ZNF425: variants seen among roughly 807,000 people sequenced by gnomAD.
ZNF425 encodes zinc finger protein 425.
ZNF425 carries 21 observed loss-of-function variants against 17.0 expected under a neutral mutation model. The ratio of observed to expected loss-of-function variants is 1.23; its 90% CI spans 0.88 to 1.78. The LOEUF (loss-of-function observed/expected upper bound fraction) is 1.78. Among genes scored for constraint, ZNF425 ranks in the 40% most tolerant of loss-of-function variants. The pLI is 0.00. For synonymous variants in ZNF425, 433 were observed against 384.1 expected (o/e 1.13, Z -1.49); for missense variants, 868 against 967.3 (o/e 0.90, Z 1.36).
intron 3 of ZNF425, among the ~76,000 whole-genome samples, chr7:149,109,529 G>GCT (rs1826139857): frequency 1.3e-5 from 2 of 152,158 alleles, no homozygotes; most frequent in African/African-American, 4.8e-5. Flanking sequence ...CTGGGATATT[G>GCT]CTCTCTCTCC....
At chr7:149,125,426 GT>G (rs1341073841) in intron 1 of ZNF425, among the ~76,000 whole-genome samples, 1 of 152,146 alleles carries the variant, frequency 6.6e-6, no homozygotes, top group African/African-American at 2.4e-5. Flanking sequence ...TTCATTTTAA[GT>G]TTTCTGTCCT....
intron 3 of ZNF425, among the ~76,000 whole-genome samples, chr7:149,108,217 T>G (rs1204965136): frequency 4.6e-5 from 7 of 152,104 alleles, no homozygotes; most frequent in Admixed American, 4.6e-4. Flanking sequence ...GGCTAATTTT[T>G]GTATTTTTAG....
chr7:149,112,920 C>T (rs559407339), intron 2 of ZNF425, among the ~76,000 whole-genome samples: 1 of 151,428 alleles, frequency 6.6e-6, no homozygotes, highest in Admixed American at 6.6e-5. Flanking sequence ...CTGCGTCGGC[C>T]TCCCAAAGTG....
chr7:149,107,123 A>AT (rs982614863), intron 3 of ZNF425, among the ~76,000 whole-genome samples: 5 of 147,548 alleles, frequency 3.4e-5, no homozygotes, highest in African/African-American at 7.6e-5. Context: ...AAAAAAAAAA[A>AT]TTTTTAAGGA....
rs941398733 is a variant in ZNF425, at chr7:149,112,127, T to A, written c.304+10A>T. Reference sequence around the variant, plus strand: ...AAAATAATTCATGATCTTAAATCCATCTTACTCACCAAAACATAGCAACTT... The same window carrying A: ...AAAATAATTCATGATCTTAAATCCAACTTACTCACCAAAACATAGCAACTT... On this transcript the variant is annotated intron_variant, in intron 3 of 3. Transcript: ENST00000378061. 6.2e-7 allele frequency: 1 copy of A among 1,610,682 alleles called. No individual in the cohort carries two copies. The highest frequency in any genetic ancestry group is 1.3e-5 in the African/African-American group (1 of 74,796).
At chr7:149,123,427 CTTTTGGAGATAAAAG>C (rs944693273) in intron 1 of ZNF425, among the ~76,000 whole-genome samples, 3 of 152,264 alleles carry the variant, frequency 2.0e-5, no homozygotes, top group Non-Finnish European at 4.4e-5. Flanking sequence ...AACACTTAGG[CTTTTGGAGATAAAAG>C]TTTCAGAGCT....
intron 1 of ZNF425, among the ~76,000 whole-genome samples, chr7:149,119,751 T>TA (rs1373211767): frequency 6.6e-6 from 1 of 152,118 alleles, no homozygotes; most frequent in African/African-American, 2.4e-5. Flanking sequence ...TCATCTCTAT[T>TA]AAAAAATAAA....
intron 3 of ZNF425, 141 bp downstream of exon 3, chr7:149,111,996 T>C: frequency 1.2e-6 from 1 of 801,744 alleles, no homozygotes; most frequent in Non-Finnish European, 1.9e-6. Context: ...TTTGCTACCC[T>C]CTTGAGTAAA....
At chr7:149,107,835 C>CATTTATTTATTTATTTATTTATTTATTT in intron 3 of ZNF425, among the ~76,000 whole-genome samples, 1 of 138,010 alleles carries the variant, frequency 7.2e-6, no homozygotes. Flanking sequence ...AACTCTCTCC[C>CATTTATTTATTTATTTATTTATTTATTT]ATTTATTTAT....
chr7:149,103,666 C>G lies in ZNF425; in HGVS notation c.2205G>C (p.Gly735=). ...DECGRSFTYV[G]ALKTHIAVHA... Reference sequence around the variant, plus strand: ...GCACTGCAATGTGGGTCTTGAGCGCCCCCACGTACGTGAAGCTCCTTCCAC... The same window carrying G: ...GCACTGCAATGTGGGTCTTGAGCGCGCCCACGTACGTGAAGCTCCTTCCAC... Residue 735 remains glycine, a synonymous_variant, in exon 4 of 4, where the codon GGG becomes GGC. Transcript: ENST00000378061. 1 of 1,613,858 alleles carries G rather than the reference C, an allele frequency of 6.2e-7. No homozygotes were observed. The highest frequency in any genetic ancestry group is 1.3e-5 in the African/African-American group (1 of 75,022).
chr7:149,123,790 C>T (rs1826400890), intron 1 of ZNF425, among the ~76,000 whole-genome samples: 2 of 151,822 alleles, frequency 1.3e-5, no homozygotes, highest in South Asian at 4.2e-4. Flanking sequence ...CCTCGGCCTC[C>T]CAAAGTGCTA....
intron 3 of ZNF425, among the ~76,000 whole-genome samples, chr7:149,111,629 T>A (rs1029959750): frequency 1.5e-5 from 2 of 134,428 alleles, no homozygotes; most frequent in Non-Finnish European, 3.2e-5. Context: ...AAATTATATA[T>A]CTATATAAAA....
intron 2 of ZNF425, among the ~76,000 whole-genome samples, chr7:149,114,152 G>A (rs369698834): frequency 6.6e-6 from 1 of 151,510 alleles, no homozygotes; most frequent in African/African-American, 2.4e-5. Flanking sequence ...TCTGCCTCCC[G>A]GGTTCAAGCG....
chr7:149,123,126 A>G (rs1167583858), intron 1 of ZNF425, among the ~76,000 whole-genome samples: 1 of 152,242 alleles, frequency 6.6e-6, no homozygotes, highest in Non-Finnish European at 1.5e-5. Flanking sequence ...TGATTGGCTC[A>G]TGGACCATTA....
rs527856288 is a variant in ZNF425, at chr7:149,103,975, G to A, written c.1896C>T (p.His632=). Reference sequence around the variant, plus strand: ...CACAAGAGAATGGCTTTTGGCCACTGTGCTGCAGCAGGTGGCTTTTCAGGT... The same window carrying A: ...CACAAGAGAATGGCTTTTGGCCACTATGCTGCAGCAGGTGGCTTTTCAGGT... The part of the protein sequence containing the change: ...KGNLKSHLLQ[H]SGQKPFSCVM... The change falls in exon 4 of 4, where the codon CAC becomes CAT. Residue 632 remains histidine, a synonymous_variant. Coordinates refer to ENST00000378061, the MANE Select transcript of ZNF425 (RefSeq NM_001001661.3). 1 of 1,614,006 alleles carries A rather than the reference G, an allele frequency of 6.2e-7. No homozygotes were observed. The highest frequency in any genetic ancestry group is 1.3e-5 in the African/African-American group (1 of 75,062).
At chr7:149,111,401 C>A (rs1826172848) in intron 3 of ZNF425, among the ~76,000 whole-genome samples, 1 of 151,000 alleles carries the variant, frequency 6.6e-6, no homozygotes, top group Non-Finnish European at 1.5e-5. Flanking sequence ...ACCAGCCTGG[C>A]CAATATGGTG....
chr7:149,104,321 A>T lies in ZNF425; in HGVS notation c.1550T>A (p.Leu517Gln). The T allele has an allele frequency of 6.2e-7, 1 of 1,613,268 alleles. No homozygotes were observed. Reference protein sequence around the residue: ...FSQQSRLTQHLKVHTTEKPFS... With the variant: ...FSQQSRLTQHQKVHTTEKPFS... Reference sequence around the variant, plus strand: ...CGGCTTTTCCGTGGTGTGGACCTTCAGGTGCTGCGTGAGCCGCGACTGCTG... The same window carrying T: ...CGGCTTTTCCGTGGTGTGGACCTTCTGGTGCTGCGTGAGCCGCGACTGCTG... The change falls in exon 4 of 4, where the codon CTG becomes CAG. Residue 517 changes from leucine to glutamine, a missense_variant. By Grantham distance (113) the Leu-to-Gln change is moderately radical (BLOSUM62 -2). Coordinates refer to ENST00000378061, the MANE Select transcript of ZNF425 (RefSeq NM_001001661.3). The surrounding 1 kb of genome is among the most constrained non-coding windows in gnomAD (Gnocchi z 4.3).
In ZNF425 at chr7:149,105,211, G is replaced by T; in HGVS notation, c.660C>A (p.Tyr220Ter). Residue 220 changes from tyrosine (Y) to a stop codon, truncating the protein, a stop_gained, in exon 4 of 4, where the codon TAC becomes TAA. Transcript: ENST00000378061. LOFTEE classifies it low-confidence loss of function (END_TRUNC). ...CTCTGGACGAGTTTTTGTACTTTGG[G>T]TATCTGCAGAGCTGGCTCTTGGAGT... Reference protein sequence around the residue: ...RSHSKSQLCRYPKYKNSSRGK... With the variant: ...RSHSKSQLCR 6.2e-7 allele frequency: 1 copy of T among 1,614,202 alleles called. No homozygotes were observed. Among genetic ancestry groups the T allele is most frequent in the Admixed American group, 1.7e-5 (1 of 60,018 alleles).
intron 1 of ZNF425, among the ~76,000 whole-genome samples, chr7:149,123,179 T>C (rs900496962): frequency 2.6e-5 from 4 of 152,202 alleles, no homozygotes; most frequent in African/African-American, 7.2e-5. Flanking sequence ...AGGGCGGCTC[T>C]TCCTGGGTGT....
Sources: gnomAD v4.1 joint callset for allele counts (sites outside exome capture counted in the v4.1 genomes callset) on GRCh38, gnomAD v4.1.1 for gene constraint, Gnocchi (gnomAD v3.1) non-coding constraint, MANE v1.5 for transcripts, NCBI Gene and HGNC (gene_info 2026-07-23, HGNC 2026-07-21) for gene names.